XRN1: variants seen among roughly 807,000 people sequenced by gnomAD.
The protein encoded by XRN1 is 5'-3' exoribonuclease 1.
Under a neutral mutation model 222.3 loss-of-function variants are expected in XRN1, and 67 were observed. That is an observed-to-expected ratio of 0.30 (90% CI 0.25 to 0.37). The LOEUF (loss-of-function observed/expected upper bound fraction) is 0.37. Among genes scored for constraint, XRN1 ranks in the 10% least tolerant of loss-of-function variants. The pLI, the probability that XRN1 is intolerant of heterozygous loss-of-function variation, is 1.00. For missense variants in XRN1, 1,707 were observed against 2,000.2 expected, an observed-to-expected ratio of 0.85 and a Z score of 2.80; for synonymous variants, 643 against 652.4, an observed-to-expected ratio of 0.99 and a Z score of 0.22.
In XRN1 at chr3:142,315,439, T is replaced by A. The variant is rs115286572; in HGVS notation, c.4622-2681A>T. Among the ~76,000 whole-genome samples, 1,429 of 152,034 alleles carry A rather than the reference T, an allele frequency of 9.4e-3. 22 individuals carry two copies. Among genetic ancestry groups the A allele is most frequent in the African/African-American group, 0.033 (1,351 of 41,450 alleles). On this transcript the variant is annotated intron_variant, in intron 39 of 40. Coordinates refer to ENST00000392981, the MANE Select transcript of XRN1 (RefSeq NM_001282857.2). ...CCAGTTCTGCTAGATAGTAACTTAA[T>A]GACCTTAGACAAATTACATTAAAAA...
chr3:142,378,781 A>G (rs1373418257), intron 23 of XRN1, among the ~76,000 whole-genome samples: 2 of 152,188 alleles, frequency 1.3e-5, no homozygotes, highest in Non-Finnish European at 2.9e-5. Context: ...AAAGAGCTGA[A>G]CAGGAGAAGG....
chr3:142,366,661 A>C (rs2066821520), intron 27 of XRN1, among the ~76,000 whole-genome samples: 1 of 152,200 alleles, frequency 6.6e-6, no homozygotes, highest in South Asian at 2.1e-4. Flanking sequence ...TAGAGTGAAC[A>C]GTGAAGGCCT....
intron 20 of XRN1, among the ~76,000 whole-genome samples, chr3:142,386,953 T>A (rs143920559): frequency 2.6e-5 from 4 of 152,184 alleles, no homozygotes; most frequent in South Asian, 2.1e-4. Context: ...TGTAGGCATA[T>A]GCTATGAAGC....
intron 23 of XRN1, 134 bp from the exon 24 acceptor site, chr3:142,376,728 T>C: frequency 1.5e-6 from 1 of 658,200 alleles, no homozygotes; most frequent in Non-Finnish European, 2.5e-6. Flanking sequence ...GGATTTTCAC[T>C]TAGATCCATT....
At chr3:142,355,987 A>G (rs1463177536) in intron 31 of XRN1, among the ~76,000 whole-genome samples, 1 of 152,192 alleles carries the variant, frequency 6.6e-6, no homozygotes, top group African/African-American at 2.4e-5. Flanking sequence ...TAATCACAAA[A>G]GTATTCTATG....
chr3:142,314,898 C>A (rs13067283), intron 39 of XRN1, among the ~76,000 whole-genome samples: 1 of 80,750 alleles, frequency 1.2e-5, no homozygotes, highest in Non-Finnish European at 2.1e-5. Context: ...GAGTGGGACT[C>A]TGTCTCAAAA....
At chr3:142,360,554 T>C (rs2066588005) in intron 29 of XRN1, among the ~76,000 whole-genome samples, 1 of 150,996 alleles carries the variant, frequency 6.6e-6, no homozygotes, top group Admixed American at 6.6e-5. Flanking sequence ...GGGCATGTAC[T>C]TTTTTAAAAA....
At chr3:142,429,630 A>T (rs1032306513) in intron 2 of XRN1, 11 of 152,198 alleles carry the variant, frequency 7.2e-5, no homozygotes, top group African/African-American at 1.7e-4. Context: ...ACAGTATTTA[A>T]TAAATGCTTG....
At chr3:142,313,185 AC>A in intron 39 of XRN1, 1 of 1,612,366 alleles carries the variant, frequency 6.2e-7, no homozygotes, top group Non-Finnish European at 8.5e-7. Context: ...CTACAAAAAA[AC>A]CAAAAAACCT....
At chr3:142,421,371 A>G (rs2069025881) in intron 9 of XRN1, 105 bp downstream of exon 9, 2 of 980,648 alleles carry the variant, frequency 2.0e-6, no homozygotes, top group Non-Finnish European at 2.9e-6. Flanking sequence ...TGAATAAGCA[A>G]TTGGAATAGA....
At chr3:142,363,239 ATT>A (rs971814104) in intron 29 of XRN1, among the ~76,000 whole-genome samples, 2 of 143,254 alleles carry the variant, frequency 1.4e-5, no homozygotes, top group Admixed American at 7.0e-5. Context: ...GGAGTTGTGG[ATT>A]TTTTTTTTTT....
At chr3:142,444,046 G>A (rs1357057053) in intron 1 of XRN1, among the ~76,000 whole-genome samples, 1 of 152,194 alleles carries the variant, frequency 6.6e-6, no homozygotes, top group Admixed American at 6.5e-5. Context: ...AGAACTCATG[G>A]ACATAGAAAA....
chr3:142,326,490 T>G (rs371734246), intron 37 of XRN1, among the ~76,000 whole-genome samples: 13 of 152,278 alleles, frequency 8.5e-5, no homozygotes, highest in African/African-American at 3.1e-4. Context: ...TGTGACTGAT[T>G]GTATGTTGAT....
At chr3:142,327,055 G>C (rs1347175742) in intron 37 of XRN1, among the ~76,000 whole-genome samples, 2 of 152,070 alleles carry the variant, frequency 1.3e-5, no homozygotes, top group Non-Finnish European at 2.9e-5. Flanking sequence ...TACTTCATCA[G>C]ATATATCGGC....
chr3:142,402,184 T>TA (rs1345087837), intron 18 of XRN1, among the ~76,000 whole-genome samples: 1 of 152,104 alleles, frequency 6.6e-6, no homozygotes, highest in Non-Finnish European at 1.5e-5. Flanking sequence ...AGCCTTTCTT[T>TA]TTTTTTTCCT....
intron 33 of XRN1, among the ~76,000 whole-genome samples, chr3:142,338,889 G>A (rs972200918): frequency 6.6e-6 from 1 of 152,188 alleles, no homozygotes; most frequent in Admixed American, 6.5e-5. Flanking sequence ...GGAAGAGTGG[G>A]AAGGGTAGTG....
intron 1 of XRN1, among the ~76,000 whole-genome samples, chr3:142,433,398 T>C (rs1311892270): frequency 6.6e-6 from 1 of 152,200 alleles, no homozygotes; most frequent in Non-Finnish European, 1.5e-5. Context: ...ATTTTTAAAA[T>C]GTTAGATTAT....
chr3:142,327,858 C>G (rs2065564360), intron 37 of XRN1, among the ~76,000 whole-genome samples: 2 of 152,110 alleles, frequency 1.3e-5, no homozygotes, highest in Admixed American at 1.3e-4. Flanking sequence ...TTCCAAGTCT[C>G]TATTATTTCA....
rs2067373735 is a variant in XRN1 at position 142,383,407 on chromosome 3, G to A, written c.2509C>T (p.Arg837Ter). ...TTGGAGAAACGGGAGTCGAAAGCTC[G>A]GATGTCCTACATAAAATAAAAGTAA... Reference protein sequence around the residue: ...FVYQTIVKDIRAFDSRFSNIK... With the variant: ...FVYQTIVKDI The change falls in exon 22 of 41, where the codon CGA becomes TGA. Residue 837 changes from arginine to a stop codon, truncating the protein, a stop_gained. Coordinates refer to ENST00000392981, the MANE Select transcript of XRN1 (RefSeq NM_001282857.2). LOFTEE classifies it high-confidence loss of function. 6.2e-7 allele frequency: 1 copy of A among 1,610,304 alleles called. No individual in the cohort carries two copies. The highest frequency in any genetic ancestry group is 8.5e-7 in the Non-Finnish European group (1 of 1,178,210).
Sources: allele counts gnomAD v4.1 joint callset (sites outside exome capture counted in the v4.1 genomes callset), GRCh38; gene constraint gnomAD v4.1.1; transcripts MANE v1.5; gene names NCBI Gene and HGNC (gene_info 2026-07-23, HGNC 2026-07-21).